Variants in SLC35D1 observed in about 807,000 individuals in gnomAD.
SLC35D1 encodes the protein solute carrier family 35 member D1.
SLC35D1 carries 31 observed loss-of-function variants against 46.7 expected under a neutral mutation model. The observed-to-expected ratio is 0.66, with a 90% CI of 0.50 to 0.90. SLC35D1 has a LOEUF of 0.90. SLC35D1 is among the 40% of genes least tolerant of loss of function. SLC35D1 has a pLI of 0.00. For synonymous variants in SLC35D1, 195 were observed against 164.6 expected, an observed-to-expected ratio of 1.18 and a Z score of -1.41; for missense variants, 397 against 426.2, an observed-to-expected ratio of 0.93 and a Z score of 0.60.
At chr1:67,011,251 T>C (rs1288271843) in intron 10 of SLC35D1, among the ~76,000 whole-genome samples, 1 of 152,196 alleles carries the variant, frequency 6.6e-6, no homozygotes, top group East Asian at 1.9e-4. Flanking sequence ...AGTCTGTCTT[T>C]TGTGAGCTGA....
At chr1:66,998,104 A>G (rs1380675282), downstream of SLC35D1, among the ~76,000 whole-genome samples, 2 of 119,136 alleles carry the variant, frequency 1.7e-5, no homozygotes, top group Non-Finnish European at 3.3e-5. Flanking sequence ...TGGGCCAGCC[A>G]TAATGGAAAA....
intron 1 of SLC35D1, 128 bp from the exon 2 acceptor site, chr1:67,053,117 C>T: frequency 8.9e-7 from 1 of 1,117,858 alleles, no homozygotes; most frequent in South Asian, 1.3e-5. Context: ...GCCCCTAAAT[C>T]AAACAAAAAT....
At position 67,020,214 on chromosome 1, in the gene SLC35D1, G is replaced by A. The variant is rs1667768958; in HGVS notation, c.876+155C>T. On this transcript the variant is annotated intron_variant, in intron 10 of 11. Coordinates refer to ENST00000235345, the MANE Select transcript of SLC35D1 (RefSeq NM_015139.3). ...ACTATGCCCTCCCTGCATTCTTAAA[G>A]AATATTTCAGAAACTATCACCACAA... Among the ~76,000 whole-genome samples, 3 of 152,130 alleles carry A rather than the reference G, an allele frequency of 2.0e-5. No individual in the cohort carries two copies. In the South Asian group the frequency reaches 6.2e-4, roughly 31 times the overall value.
chr1:67,013,422 A>C (rs1354183091), intron 10 of SLC35D1, among the ~76,000 whole-genome samples: 1 of 151,712 alleles, frequency 6.6e-6, no homozygotes, highest in Non-Finnish European at 1.5e-5. Context: ...AGTCATGGTC[A>C]CAAGTGTCTG....
intron 10 of SLC35D1, among the ~76,000 whole-genome samples, chr1:67,011,656 T>G (rs2755240): frequency 0.77 from 117,194 of 151,420 alleles, 45,606 homozygotes; most frequent in East Asian, 0.88. Flanking sequence ...CTAATTTTTT[T>G]TATTTTTGAT....
chr1:66,979,854 G>A, the SLC35D1 span, among the ~76,000 whole-genome samples: 67 of 149,608 alleles, frequency 4.5e-4, no homozygotes, highest in Admixed American at 2.4e-3. Flanking sequence ...AACCTCCACC[G>A]CCCGGGTTGA....
At chr1:66,980,004 T>C in the SLC35D1 span, among the ~76,000 whole-genome samples, 3 of 152,198 alleles carry the variant, frequency 2.0e-5, no homozygotes, top group East Asian at 5.8e-4. Flanking sequence ...CCTCAGGTGA[T>C]CCACCTGCCT....
chr1:66,989,494 A>T, the SLC35D1 span, among the ~76,000 whole-genome samples: 1 of 152,210 alleles, frequency 6.6e-6, no homozygotes. Context: ...AGACGGTCTC[A>T]GTTGGCTGCG....
the SLC35D1 span, chr1:66,981,649 G>C: frequency 1.5e-6 from 1 of 669,560 alleles, no homozygotes; most frequent in African/African-American, 1.8e-5. Flanking sequence ...TGGTATGATA[G>C]ATGAAGCACT....
intron 7 of SLC35D1, among the ~76,000 whole-genome samples, chr1:67,044,196 C>T (rs1460837882): frequency 2.6e-5 from 4 of 151,864 alleles, no homozygotes; most frequent in East Asian, 1.9e-4. Flanking sequence ...ATTAGCCTGG[C>T]GTGGTGGTGC....
chr1:67,054,031 T>G lies in SLC35D1; in HGVS notation c.-18A>C, dbSNP rs201110844. 2 of 1,603,792 alleles carry G rather than the reference T, an allele frequency of 1.2e-6. No individual in the cohort carries two copies. Among genetic ancestry groups the G allele is most frequent in the Non-Finnish European group, 1.7e-6 (2 of 1,175,244 alleles). ...TCCGCCATGGCTGCCGCAGCAGCGG[T>G]GGCCTGGCGGCGGGGCCTAGCGGCT... On this transcript the variant is annotated 5_prime_UTR_variant, in exon 1 of 12. Coordinates refer to ENST00000235345, the MANE Select transcript of SLC35D1 (RefSeq NM_015139.3).
downstream of SLC35D1, among the ~76,000 whole-genome samples, chr1:66,996,990 CT>C (rs1447518032): frequency 6.6e-6 from 1 of 152,086 alleles, no homozygotes; most frequent in African/African-American, 2.4e-5. Flanking sequence ...CAGAAATTCA[CT>C]CAAAATGTAT....
At chr1:67,053,107 G>T in intron 1 of SLC35D1, 118 bp from the exon 2 acceptor site, 3 of 1,204,384 alleles carry the variant, frequency 2.5e-6, no homozygotes, top group South Asian at 1.3e-5. Flanking sequence ...ATCAACGTCC[G>T]CCCCTAAATC....
intron 11 of SLC35D1, among the ~76,000 whole-genome samples, chr1:67,005,491 A>G (rs1667429044): frequency 1.3e-5 from 2 of 152,296 alleles, no homozygotes; most frequent in South Asian, 2.1e-4. Flanking sequence ...TGAGACTCCA[A>G]TCAACCCAAA....
chr1:67,006,740 CT>C (rs1450313177), intron 11 of SLC35D1, among the ~76,000 whole-genome samples: 1 of 152,126 alleles, frequency 6.6e-6, no homozygotes, highest in Non-Finnish European at 1.5e-5. Flanking sequence ...CCTGAATGTA[CT>C]CTAGGTTGAG....
At chr1:66,991,024 T>G in the SLC35D1 span, among the ~76,000 whole-genome samples, 1 of 152,176 alleles carries the variant, frequency 6.6e-6, no homozygotes, top group South Asian at 2.1e-4. Context: ...GGCTACTCTT[T>G]CCAGTGATTG....
At chr1:67,047,239 T>A (rs760575600) in intron 7 of SLC35D1, 26 bp downstream of exon 7, 1 of 1,565,656 alleles carries the variant, frequency 6.4e-7, no homozygotes, top group Non-Finnish European at 8.8e-7. Flanking sequence ...AGTACACAAC[T>A]GTTAAAGCTT....
At chr1:66,973,023 G>T in the SLC35D1 span, 2 of 1,228,156 alleles carry the variant, frequency 1.6e-6, no homozygotes, top group South Asian at 1.2e-5. Context: ...TTTGCAAAAA[G>T]AAATTTAGTT....
the SLC35D1 span, among the ~76,000 whole-genome samples, chr1:66,975,672 T>G: frequency 2.6e-5 from 4 of 152,210 alleles, no homozygotes; most frequent in Non-Finnish European, 4.4e-5. Context: ...TCAGCATCAT[T>G]TAATTCCGTA....
Sources: allele counts gnomAD v4.1 joint callset (sites outside exome capture counted in the v4.1 genomes callset), GRCh38; gene constraint gnomAD v4.1.1; transcripts MANE v1.5; gene names NCBI Gene and HGNC (gene_info 2026-07-23, HGNC 2026-07-21).